Variants in KIF19 observed in about 807,000 individuals in gnomAD.
KIF19 encodes kinesin family member 19.
Under a neutral mutation model 106.6 loss-of-function variants are expected in KIF19, and 98 were observed. That is an observed-to-expected ratio of 0.92 (90% CI 0.78 to 1.09). The LOEUF is 1.09. Among genes scored for constraint, KIF19 ranks in the 50% least tolerant of loss-of-function variants. The pLI, the probability that KIF19 is intolerant of heterozygous loss-of-function variation, is 0.00. For missense variants in KIF19, 1,373 were observed against 1,414.3 expected (o/e 0.97, Z 0.47); for synonymous variants, 516 against 584.2 (o/e 0.88, Z 1.68).
chr17:74,330,134 C>T (rs775027055), intron 2 of KIF19, among the ~76,000 whole-genome samples: 1 of 152,198 alleles, frequency 6.6e-6, no homozygotes, highest in Non-Finnish European at 1.5e-5. Context: ...TCCTCAAAGA[C>T]CTTGGGGAAA....
rs577364113 is a variant in KIF19, at chr17:74,344,416, G to A, written c.582+68G>A. Reference sequence around the variant, plus strand: ...CACCGCCTGAGGGGCAGGAGGGGCGGGGACAGAAGCCAGGGAGCTGCTCCC... The same window carrying A: ...CACCGCCTGAGGGGCAGGAGGGGCGAGGACAGAAGCCAGGGAGCTGCTCCC... On this transcript the variant is annotated intron_variant, in intron 6 of 19. Transcript: ENST00000389916. 3.4e-5 allele frequency: 53 copies of A among 1,563,434 alleles called. No homozygotes were observed. In the African/African-American group the frequency reaches 6.9e-4, roughly 20 times the overall value.
chr17:74,347,800 C>T lies in KIF19; in HGVS notation c.948C>T (p.Arg316=), dbSNP rs1448976168. Residue 316 remains arginine, a synonymous_variant, in exon 9 of 20, where the codon CGC becomes CGT. Transcript: ENST00000389916. The part of the protein sequence containing the change: ...LLKDSLGGNS[R]TVMIAHISPA... ...AGGACTCTCTGGGAGGAAACAGCCG[C>T]ACAGTGATGATCGCTCACATCAGTC... 5.0e-6 allele frequency: 8 copies of T among 1,588,950 alleles called. No homozygotes were observed. The highest frequency in any genetic ancestry group is 1.3e-5 in the African/African-American group (1 of 74,268).
Position 74,352,154 on chromosome 17 carries a change from C to T in KIF19, c.1858+17C>T, listed in dbSNP as rs777667426. ...TCATCGACGGTAGGGCCCACGCCCC[C>T]GCGCATCTGAGCCACCCGCGGGGGG... On this transcript the variant is annotated intron_variant, in intron 13 of 19. Coordinates refer to ENST00000389916, the MANE Select transcript of KIF19 (RefSeq NM_153209.4). 1.3e-5 allele frequency: 21 copies of T among 1,584,162 alleles called. No homozygotes were observed. The highest frequency in any genetic ancestry group is 1.7e-4 in the Middle Eastern group (1 of 5,956).
chr17:74,355,536 C>T lies in KIF19; in HGVS notation c.*224C>T. 1 of 521,774 alleles carries T rather than the reference C, an allele frequency of 1.9e-6. No individual in the cohort carries two copies. The highest frequency in any genetic ancestry group is 2.0e-5 in the African/African-American group (1 of 50,888). 32.3% of individuals were successfully genotyped at this position (521,774 alleles called of 1,614,324 possible). A position where few individuals can be genotyped will look rare whatever the true frequency, so the allele number is the denominator to read the frequency against. On this transcript the variant is annotated 3_prime_UTR_variant, in exon 20 of 20. Coordinates refer to ENST00000389916, the MANE Select transcript of KIF19 (RefSeq NM_153209.4). ...AGGCCAGGGGACATGGCCAGGACGG[C>T]TGGGCTCCCTGGCTTCCCAGCCCTG... is the stretch of plus-strand genomic sequence containing the variant.
rs2054716176 is a variant in KIF19, at chr17:74,351,942, G to A, written c.1663G>A (p.Gly555Ser). 18 of 1,468,106 alleles carry A rather than the reference G, an allele frequency of 1.2e-5. No individual in the cohort carries two copies. The South Asian group carries it at 1.6e-4, about 13-fold the overall frequency. 90.9% of individuals were successfully genotyped at this position (1,468,106 alleles called of 1,614,324 possible). The change falls in exon 13 of 20, where the codon GGC becomes AGC. Residue 555 changes from glycine (G) to serine (S), a missense_variant. Physicochemically the swap from Gly to Ser is moderately conservative, Grantham distance 56 (BLOSUM62 0). Coordinates refer to ENST00000389916, the MANE Select transcript of KIF19 (RefSeq NM_153209.4). Reference protein sequence around the residue: ...RLEETLPRRIGSEEQREVLSL... With the variant: ...RLEETLPRRISSEEQREVLSL... ...GGAGGAGACGCTGCCGCGGCGCATC[G>A]GCTCCGAGGAGCAGCGCGAGGTGCT...
At chr17:74,332,412 G>A (rs536610841) in intron 2 of KIF19, among the ~76,000 whole-genome samples, 17 of 152,098 alleles carry the variant, frequency 1.1e-4, no homozygotes, top group Middle Eastern at 3.4e-3. Context: ...GGGCCTCAGC[G>A]TTCCAGGTGG....
At chr17:74,344,404 G>A (rs952714832) in intron 6 of KIF19, 56 bp downstream of exon 6, 2 of 1,584,116 alleles carry the variant, frequency 1.3e-6, no homozygotes, top group African/African-American at 2.7e-5. Context: ...CGCCTGAGGG[G>A]CAGGAGGGGC....
chr17:74,350,298 C>A (rs2054660900), intron 10 of KIF19, 103 bp from the exon 11 acceptor site: 1 of 1,087,362 alleles, frequency 9.2e-7, no homozygotes, highest in Non-Finnish European at 1.3e-6. Context: ...GAAGTGGGAG[C>A]ACTGAGTTGG....
intron 2 of KIF19, among the ~76,000 whole-genome samples, chr17:74,330,745 C>T (rs2054054280): frequency 6.6e-6 from 1 of 152,230 alleles, no homozygotes; most frequent in African/African-American, 2.4e-5. Flanking sequence ...CTGGCCTAAT[C>T]CAGCCAAGAT....
At chr17:74,330,204 A>C (rs972173989) in intron 2 of KIF19, among the ~76,000 whole-genome samples, 1 of 152,230 alleles carries the variant, frequency 6.6e-6, no homozygotes, top group African/African-American at 2.4e-5. Flanking sequence ...AGCAGAATGA[A>C]TGCACATAAA....
chr17:74,350,626 G>T, intron 11 of KIF19, 51 bp downstream of exon 11: 1 of 1,609,668 alleles, frequency 6.2e-7, no homozygotes, highest in South Asian at 1.1e-5. Context: ...GCCTGGGACA[G>T]AGGAGCACGA....
intron 2 of KIF19, among the ~76,000 whole-genome samples, chr17:74,340,954 G>GT (rs1204569353): frequency 3.3e-5 from 5 of 152,156 alleles, no homozygotes; most frequent in Non-Finnish European, 5.9e-5. Flanking sequence ...CGACCTGGGG[G>GT]GTGTGACTCC....
At chr17:74,348,794 C>G (rs2054605961) in intron 9 of KIF19, 2 of 216,516 alleles carry the variant, frequency 9.2e-6, no homozygotes, top group Non-Finnish European at 9.3e-6. Flanking sequence ...GAGGACATTC[C>G]AGAAAGGTGG....
intron 2 of KIF19, among the ~76,000 whole-genome samples, chr17:74,335,244 C>A (rs528948371): frequency 5.6e-4 from 85 of 152,338 alleles, no homozygotes; most frequent in African/African-American, 1.9e-3. Context: ...TTCTACAATG[C>A]ACAGAACTGC....
At chr17:74,350,637 C>T in intron 11 of KIF19, 62 bp downstream of exon 11, 2 of 1,609,356 alleles carry the variant, frequency 1.2e-6, no homozygotes, top group Non-Finnish European at 1.7e-6. Flanking sequence ...AGGAGCACGA[C>T]CTGTGGCTGT....
Position 74,354,209 on chromosome 17 carries a change from G to A in KIF19, c.2356G>A (p.Ala786Thr), listed in dbSNP as rs376188447. ...TGTKCIWVKA[A>T]RRRSRALGTE... The stretch of plus-strand genomic sequence containing the variant: ...CACCAAGTGCATCTGGGTGAAGGCC[G>A]CCCGGCGGCGCTCGCGGGCCCTGGG... Residue 786 changes from alanine to threonine, a missense_variant, in exon 18 of 20, where the codon GCC (alanine) becomes ACC (threonine). Coordinates refer to ENST00000389916, the MANE Select transcript of KIF19 (RefSeq NM_153209.4). 23 of 1,609,100 alleles carry A rather than the reference G, an allele frequency of 1.4e-5. No individual in the cohort carries two copies. Among genetic ancestry groups the A allele is most frequent in the South Asian group, 8.8e-5 (8 of 90,978 alleles).
intron 7 of KIF19, 46 bp downstream of exon 7, chr17:74,345,001 G>A (rs760079664): frequency 1.3e-6 from 2 of 1,526,330 alleles, no homozygotes; most frequent in Non-Finnish European, 1.8e-6. Context: ...GGTTGACCCA[G>A]GCAACAGCGG....
intron 1 of KIF19, among the ~76,000 whole-genome samples, chr17:74,327,629 C>T (rs62063574): frequency 0.34 from 50,957 of 152,096 alleles, 10,221 homozygotes; most frequent in East Asian, 0.56. Context: ...TGCACCACCA[C>T]GCCCAGCTAA....
chr17:74,352,008 A>T lies in KIF19; in HGVS notation c.1729A>T (p.Thr577Ser), dbSNP rs2054721034. The T allele has an allele frequency of 6.4e-7, 1 of 1,552,100 alleles. No individual in the cohort carries two copies. The highest frequency in any genetic ancestry group is 1.4e-5 in the African/African-American group (1 of 73,168). ...CGTGCACGAGCTCGAGGTGGAGAAC[A>T]CCGAGATGCAGTCGCACGCGCTGCT... Reference protein sequence around the residue: ...CRVHELEVENTEMQSHALLRD... With the variant: ...CRVHELEVENSEMQSHALLRD... The change falls in exon 13 of 20, where the codon ACC becomes TCC. Residue 577 changes from threonine to serine, a missense_variant. This residue lies in a region of KIF19 where 1,020 missense variants were observed against 1,008.2 expected (regional missense o/e 1.01). Coordinates refer to ENST00000389916, the MANE Select transcript of KIF19 (RefSeq NM_153209.4).
Sources: allele counts gnomAD v4.1 joint callset (sites outside exome capture counted in the v4.1 genomes callset), GRCh38; gene constraint gnomAD v4.1.1; regional missense constraint gnomAD v4.1.1; transcripts MANE v1.5; gene names NCBI Gene and HGNC (gene_info 2026-07-23, HGNC 2026-07-21).